CMSS1: variants seen among roughly 807,000 people sequenced by gnomAD.
CMSS1 encodes cms1 ribosomal small subunit homolog, also known as protein CMSS1.
CMSS1 carries 33 observed loss-of-function variants against 43.5 expected under a neutral mutation model. The ratio of observed to expected loss-of-function variants is 0.76; its 90% CI spans 0.57 to 1.01. The LOEUF (loss-of-function observed/expected upper bound fraction) is 1.01. CMSS1 is among the 50% of genes least tolerant of loss of function. The pLI, the probability that CMSS1 is intolerant of heterozygous loss-of-function variation, is 0.00. For synonymous variants in CMSS1, 115 were observed against 117.2 expected (o/e 0.98, Z 0.12); for missense variants, 313 against 326.4 (o/e 0.96, Z 0.32).
At chr3:99,872,579 C>T (rs1944854981) in intron 1 of CMSS1, among the ~76,000 whole-genome samples, 1 of 151,976 alleles carries the variant, frequency 6.6e-6, no homozygotes, top group Non-Finnish European at 1.5e-5. Context: ...CCTGCCTGCC[C>T]CCACAAACAC....
At chr3:99,887,079 C>T (rs956698594) in intron 1 of CMSS1, among the ~76,000 whole-genome samples, 2 of 151,654 alleles carry the variant, frequency 1.3e-5, no homozygotes, top group Non-Finnish European at 2.9e-5. Context: ...TGAGACCAGC[C>T]TGACCAACAT....
intron 7 of CMSS1, 191 bp from the exon 8 acceptor site, chr3:100,172,125 A>T: frequency 1.6e-6 from 1 of 639,684 alleles, no homozygotes; most frequent in Non-Finnish European, 2.7e-6. Context: ...CTGAGGCTTG[A>T]CCCTTTGATT....
chr3:100,009,466 T>C (rs1710080810), intron 1 of CMSS1, among the ~76,000 whole-genome samples: 1 of 152,162 alleles, frequency 6.6e-6, no homozygotes, highest in African/African-American at 2.4e-5. Flanking sequence ...CTGGGGTGAC[T>C]GTGGGTCAGA....
At chr3:99,821,624 G>A (rs1332659515) in intron 1 of CMSS1, among the ~76,000 whole-genome samples, 1 of 152,244 alleles carries the variant, frequency 6.6e-6, no homozygotes, top group African/African-American at 2.4e-5. Context: ...TATTAATGCT[G>A]AAATGAGCAA....
At chr3:99,949,103 G>A (rs1199246912) in intron 1 of CMSS1, among the ~76,000 whole-genome samples, 1 of 152,096 alleles carries the variant, frequency 6.6e-6, no homozygotes, top group Non-Finnish European at 1.5e-5. Context: ...AAATTGGGAG[G>A]AATATTTCAT....
Position 100,074,675 on chromosome 3 carries a change from A to ATTTTTTTTTTTTTTTTTTTTTT in CMSS1, c.65-72283_65-72262dup, listed in dbSNP as rs555819875. ...ATTTTCTATGCATGTGCAACATTTG[A>ATTTTTTTTTTTTTTTTTTTTTT]TTTTTTTTTTTTTTTTTTTTTTTTT... On this transcript the variant is annotated intron_variant, in intron 1 of 9. Coordinates refer to ENST00000421999, the MANE Select transcript of CMSS1 (RefSeq NM_032359.4). Among the ~76,000 whole-genome samples, 30 of 34,802 alleles carry ATTTTTTTTTTTTTTTTTTTTTT rather than the reference A, an allele frequency of 8.6e-4. 11 individuals carry two copies. Among genetic ancestry groups the ATTTTTTTTTTTTTTTTTTTTTT allele is most frequent in the East Asian group, 2.1e-3 (2 of 942 alleles). The allele number at this position is 34,802 out of a possible 152,430, so 22.8% of individuals were successfully genotyped here.
intron 1 of CMSS1, among the ~76,000 whole-genome samples, chr3:99,886,680 G>A (rs1444907063): frequency 6.6e-6 from 1 of 152,172 alleles, no homozygotes; most frequent in African/African-American, 2.4e-5. Context: ...GGTGGCCAGC[G>A]TGGTGGCTCA....
intron 1 of CMSS1, among the ~76,000 whole-genome samples, chr3:99,931,476 T>C (rs2107663792): frequency 6.6e-6 from 1 of 152,312 alleles, no homozygotes; most frequent in Non-Finnish European, 1.5e-5. Flanking sequence ...GTTGGGAGCT[T>C]TTATGGGGTT....
intron 1 of CMSS1, among the ~76,000 whole-genome samples, chr3:99,872,958 A>G (rs1705311370): frequency 6.6e-6 from 1 of 151,944 alleles, no homozygotes; most frequent in Non-Finnish European, 1.5e-5. Flanking sequence ...GCAAAGGCTG[A>G]TAAGTGTTGG....
chr3:99,869,477 C>A (rs948869541), intron 1 of CMSS1, among the ~76,000 whole-genome samples: 1 of 152,192 alleles, frequency 6.6e-6, no homozygotes, highest in South Asian at 2.1e-4. Flanking sequence ...CTTTTAGCAG[C>A]AGTGGATTCA....
intron 1 of CMSS1, among the ~76,000 whole-genome samples, chr3:100,132,352 A>G (rs2066715541): frequency 1.3e-5 from 2 of 152,184 alleles, no homozygotes; most frequent in Non-Finnish European, 2.9e-5. Context: ...ATAGTGAGCT[A>G]TGATGGCACC....
At chr3:100,138,822 C>T (rs1275818023) in intron 1 of CMSS1, among the ~76,000 whole-genome samples, 1 of 152,158 alleles carries the variant, frequency 6.6e-6, no homozygotes, top group Non-Finnish European at 1.5e-5. Flanking sequence ...TACCATTTGA[C>T]CCAGCAATCC....
chr3:99,863,753 C>T (rs1208827467), intron 1 of CMSS1, among the ~76,000 whole-genome samples: 1 of 152,212 alleles, frequency 6.6e-6, no homozygotes, highest in African/African-American at 2.4e-5. Context: ...CTTCCTCTTA[C>T]CACATCGTTC....
chr3:99,950,405 TTAAG>T (rs907531617), intron 1 of CMSS1, among the ~76,000 whole-genome samples: 3 of 152,176 alleles, frequency 2.0e-5, no homozygotes, highest in African/African-American at 7.2e-5. Flanking sequence ...CTTAGAAAAG[TTAAG>T]TAAGTTGCCC....
chr3:100,004,011 T>C (rs1228996519), intron 1 of CMSS1, among the ~76,000 whole-genome samples: 2 of 152,166 alleles, frequency 1.3e-5, no homozygotes, highest in East Asian at 1.9e-4. Context: ...TACATGTCTG[T>C]TCCCACCTGC....
At chr3:99,939,585 A>G (rs2107674659) in intron 1 of CMSS1, among the ~76,000 whole-genome samples, 1 of 152,350 alleles carries the variant, frequency 6.6e-6, no homozygotes, top group East Asian at 1.9e-4. Context: ...TAAAGCAGTG[A>G]ATTGGTGAAG....
chr3:100,114,166 G>A (rs977401701), intron 1 of CMSS1: 5 of 151,866 alleles, frequency 3.3e-5, no homozygotes, highest in African/African-American at 1.2e-4. Flanking sequence ...TTCTCTTTTT[G>A]GACACCCTCT....
chr3:99,989,810 G>A (rs536869636), intron 1 of CMSS1, among the ~76,000 whole-genome samples: 65 of 151,720 alleles, frequency 4.3e-4, no homozygotes, highest in African/African-American at 1.5e-3. Flanking sequence ...AAAGGAAAAT[G>A]GAAATAAATT....
chr3:100,082,725 C>A (rs73144447), intron 1 of CMSS1, among the ~76,000 whole-genome samples: 1 of 152,116 alleles, frequency 6.6e-6, no homozygotes, highest in East Asian at 1.9e-4. Context: ...ATTTTTTATA[C>A]CCTTACTTAA....
Sources: allele counts gnomAD v4.1 joint callset (sites outside exome capture counted in the v4.1 genomes callset), GRCh38; gene constraint gnomAD v4.1.1; transcripts MANE v1.5; gene names NCBI Gene and HGNC (gene_info 2026-07-23, HGNC 2026-07-21).